Variants in RANBP17 observed in about 807,000 individuals in gnomAD.
RANBP17 encodes RAN binding protein 17.
In RANBP17, 158 loss-of-function variants were observed where a neutral mutation model predicts 141.2. The observed-to-expected ratio is 1.12, with a 90% confidence interval of 0.98 to 1.28. RANBP17 has a LOEUF of 1.28. Among genes scored for constraint, RANBP17 ranks in the 50% most tolerant of loss-of-function variants. RANBP17 has a pLI of 0.00. For synonymous variants in RANBP17, 430 were observed against 450.0 expected (o/e 0.96, Z 0.56); for missense variants, 1,438 against 1,290.7 (o/e 1.11, Z -1.75).
chr5:170,976,986 G>A (rs1777425263), intron 14 of RANBP17, among the ~76,000 whole-genome samples: 1 of 152,022 alleles, frequency 6.6e-6, no homozygotes, highest in African/African-American at 2.4e-5. Context: ...TAAAGAAAAA[G>A]ATACATTGGA....
chr5:170,891,902 CAA>C (rs1412699002), intron 3 of RANBP17, among the ~76,000 whole-genome samples: 1 of 152,146 alleles, frequency 6.6e-6, no homozygotes, highest in South Asian at 2.1e-4. Context: ...CATGCAGAAA[CAA>C]AAGTGACATA....
chr5:170,863,229 G>T (rs1766967950), intron 1 of RANBP17, among the ~76,000 whole-genome samples: 1 of 152,156 alleles, frequency 6.6e-6, no homozygotes, highest in Admixed American at 6.5e-5. Context: ...AGAACATGGT[G>T]TACTGCAGAA....
At chr5:171,010,872 TA>T (rs1238781949) in intron 14 of RANBP17, among the ~76,000 whole-genome samples, 1 of 152,136 alleles carries the variant, frequency 6.6e-6, no homozygotes, top group African/African-American at 2.4e-5. Flanking sequence ...TGGAAACTTG[TA>T]AGTGGGTTTA....
chr5:171,220,800 G>C (rs1006138685), intron 21 of RANBP17, among the ~76,000 whole-genome samples: 1 of 152,048 alleles, frequency 6.6e-6, no homozygotes, highest in Non-Finnish European at 1.5e-5. Context: ...GTGAAATTTT[G>C]TTATTTTGGA....
chr5:170,939,362 TA>T (rs1774141014), intron 12 of RANBP17, among the ~76,000 whole-genome samples: 1 of 90,276 alleles, frequency 1.1e-5, no homozygotes, highest in African/African-American at 6.2e-5. Context: ...AATTTTATTT[TA>T]TTTATTTATT....
At chr5:171,154,813 G>T (rs891434125) in intron 14 of RANBP17, among the ~76,000 whole-genome samples, 2 of 151,836 alleles carry the variant, frequency 1.3e-5, no homozygotes, top group Non-Finnish European at 2.9e-5. Context: ...AGTGGCTCAC[G>T]CCTGTAATCC....
In RANBP17 at chr5:171,241,149, A is replaced by C. The variant is rs764262514; in HGVS notation, c.2637+7A>C. ...GTCCCACAGTGACTTGCTAGTAAGC[A>C]ATCATGCATCATGGGAGTGTTTGTA... is the stretch of plus-strand genomic sequence containing the variant. On this transcript the variant is annotated splice_region_variant and intron_variant, in intron 23 of 27. Coordinates refer to ENST00000523189, the MANE Select transcript of RANBP17 (RefSeq NM_022897.5). The C allele has an allele frequency of 1.2e-6, 2 of 1,603,222 alleles. No individual in the cohort carries two copies. Among genetic ancestry groups the C allele is most frequent in the Non-Finnish European group, 1.7e-6 (2 of 1,170,788 alleles).
At chr5:170,877,500 G>A (rs75060750) in intron 1 of RANBP17, among the ~76,000 whole-genome samples, 4,417 of 152,160 alleles carry the variant, frequency 0.029, 214 homozygotes, top group African/African-American at 0.098. Context: ...GGGCTCAAGC[G>A]ATCCTTCCGC....
intron 25 of RANBP17, among the ~76,000 whole-genome samples, chr5:171,287,697 C>G (rs541123891): frequency 6.6e-6 from 1 of 152,066 alleles, no homozygotes; most frequent in African/African-American, 2.4e-5. Context: ...CTTCCTTCGC[C>G]TAAACCAGAG....
At chr5:171,281,664 A>G (rs141393938) in intron 25 of RANBP17, among the ~76,000 whole-genome samples, 31 of 152,350 alleles carry the variant, frequency 2.0e-4, no homozygotes, top group African/African-American at 7.5e-4. Flanking sequence ...AAAAGACAGA[A>G]GGAAAAGTCC....
chr5:170,908,733 G>A (rs1235247859), intron 5 of RANBP17, among the ~76,000 whole-genome samples: 1 of 151,522 alleles, frequency 6.6e-6, no homozygotes, highest in African/African-American at 2.4e-5. Context: ...ACTACTTTGT[G>A]TAATCATTTG....
At chr5:171,177,307 G>T (rs948287563) in intron 16 of RANBP17, among the ~76,000 whole-genome samples, 2 of 151,822 alleles carry the variant, frequency 1.3e-5, no homozygotes, top group Non-Finnish European at 2.9e-5. Context: ...TTAGATTTTT[G>T]TTTCACAAAA....
intron 5 of RANBP17, among the ~76,000 whole-genome samples, chr5:170,899,990 G>A (rs1329914045): frequency 2.0e-5 from 3 of 152,028 alleles, no homozygotes; most frequent in East Asian, 1.9e-4. Context: ...TTTTTGTTGT[G>A]TCTCTGCCAG....
At chr5:171,055,947 G>A (rs1000630862) in intron 14 of RANBP17, among the ~76,000 whole-genome samples, 4 of 147,396 alleles carry the variant, frequency 2.7e-5, no homozygotes, top group African/African-American at 7.6e-5. Context: ...CTATGTTGCC[G>A]TAAATTAAGA....
At chr5:171,258,613 C>G (rs1475119470) in intron 24 of RANBP17, among the ~76,000 whole-genome samples, 1 of 151,998 alleles carries the variant, frequency 6.6e-6, no homozygotes, top group Non-Finnish European at 1.5e-5. Context: ...ACAAAGCTGA[C>G]AAGAATACAC....
intron 24 of RANBP17, 58 bp downstream of exon 24, chr5:171,242,878 G>A (rs566774942): frequency 2.0e-6 from 3 of 1,488,336 alleles, no homozygotes; most frequent in South Asian, 2.3e-5. Flanking sequence ...GGCTTTTAAT[G>A]TATGTGATTA....
chr5:171,191,463 C>T (rs865809871), intron 18 of RANBP17, among the ~76,000 whole-genome samples: 4 of 152,078 alleles, frequency 2.6e-5, no homozygotes, highest in South Asian at 2.1e-4. Context: ...CCGAGGCAGG[C>T]GGATCACGAG....
intron 14 of RANBP17, among the ~76,000 whole-genome samples, chr5:171,098,062 GTC>G (rs1786831512): frequency 6.6e-6 from 1 of 152,096 alleles, no homozygotes; most frequent in African/African-American, 2.4e-5. Flanking sequence ...TTGGTTCCAA[GTC>G]TCTGCTATTG....
At chr5:171,296,462 TAAAAGAGAGGATTTGAAATGTCCCCAGCA>T (rs1768826932) in intron 27 of RANBP17, among the ~76,000 whole-genome samples, 3 of 152,164 alleles carry the variant, frequency 2.0e-5, no homozygotes, top group Non-Finnish European at 4.4e-5. Context: ...TCAAAATAGC[TAAAAGAGAGGATTTGAAATGTCCCCAGCA>T]TATAGAAATG....
Sources: gnomAD v4.1 joint callset for allele counts (sites outside exome capture counted in the v4.1 genomes callset) on GRCh38, gnomAD v4.1.1 for gene constraint, MANE v1.5 for transcripts, NCBI Gene and HGNC (gene_info 2026-07-23, HGNC 2026-07-21) for gene names.